CADM2: variants seen among roughly 807,000 people sequenced by gnomAD.
The protein encoded by CADM2 is cell adhesion molecule 2, also known as immunoglobulin superfamily member 4D.
Under a neutral mutation model 49.8 loss-of-function variants are expected in CADM2, and 12 were observed. The observed-to-expected ratio is 0.24, with a 90% confidence interval of 0.15 to 0.39. The LOEUF (loss-of-function observed/expected upper bound fraction) is 0.39. CADM2 is among the 10% of genes least tolerant of loss of function. The probability of loss-of-function intolerance (pLI) is 1.00; values close to 1 mark genes in which losing one functional copy is unlikely to be tolerated. For missense variants in CADM2, 378 were observed against 492.3 expected (o/e 0.77, Z 2.20); for synonymous variants, 214 against 175.4 (o/e 1.22, Z -1.74).
intron 1 of CADM2, among the ~76,000 whole-genome samples, chr3:85,448,194 G>T (rs749928953): frequency 6.6e-6 from 1 of 151,912 alleles, no homozygotes; most frequent in African/African-American, 2.4e-5. Context: ...TTAGCCAGGC[G>T]TGGTGGCGGG....
chr3:85,269,609 A>T (rs889049335), intron 1 of CADM2, among the ~76,000 whole-genome samples: 1 of 151,246 alleles, frequency 6.6e-6, no homozygotes, highest in African/African-American at 2.4e-5. Context: ...TTAGTTTAAC[A>T]TTTCCCTATC....
chr3:85,332,039 A>C (rs971977440), intron 1 of CADM2, among the ~76,000 whole-genome samples: 5 of 152,090 alleles, frequency 3.3e-5, no homozygotes, highest in African/African-American at 7.2e-5. Flanking sequence ...GACCCTACCC[A>C]AGCCATAGTA....
intron 1 of CADM2, chr3:84,960,008 C>A (rs754689447): frequency 2.4e-6 from 1 of 409,720 alleles, no homozygotes; most frequent in Non-Finnish European, 4.4e-6. Flanking sequence ...ATTCCACCCT[C>A]CCGACAACCC....
chr3:85,252,148 GT>G (rs2042790865), intron 1 of CADM2, among the ~76,000 whole-genome samples: 1 of 151,842 alleles, frequency 6.6e-6, no homozygotes, highest in Non-Finnish European at 1.5e-5. Flanking sequence ...TCATCTCTTT[GT>G]TTTTGTTCTT....
chr3:85,711,705 A>G (rs1271332504), intron 1 of CADM2, among the ~76,000 whole-genome samples: 1 of 152,198 alleles, frequency 6.6e-6, no homozygotes, highest in African/African-American at 2.4e-5. Context: ...TATGGCTATT[A>G]TAGATATTCA....
chr3:85,901,525 T>C (rs2108450117), intron 5 of CADM2, among the ~76,000 whole-genome samples: 1 of 152,300 alleles, frequency 6.6e-6, no homozygotes, highest in South Asian at 2.1e-4. Flanking sequence ...GAATAACCAA[T>C]CTTACCTTTC....
intron 3 of CADM2, among the ~76,000 whole-genome samples, chr3:85,812,169 T>C (rs1045625415): frequency 1.7e-4 from 26 of 152,118 alleles, no homozygotes; most frequent in African/African-American, 5.8e-4. Context: ...AGGGAAATTA[T>C]TAAGTCAAGC....
intron 1 of CADM2, among the ~76,000 whole-genome samples, chr3:85,136,484 T>G (rs1479784347): frequency 2.0e-5 from 3 of 151,956 alleles, no homozygotes; most frequent in Non-Finnish European, 4.4e-5. Context: ...TGTTTTACTT[T>G]GACATACAAA....
chr3:84,994,621 T>C (rs1575993529), intron 1 of CADM2, among the ~76,000 whole-genome samples: 1 of 152,216 alleles, frequency 6.6e-6, no homozygotes, highest in Admixed American at 6.5e-5. Context: ...TTTCCTGTTT[T>C]CTTACCTTAA....
intron 8 of CADM2, among the ~76,000 whole-genome samples, chr3:85,985,500 A>C (rs150006696): frequency 6.6e-6 from 1 of 151,938 alleles, no homozygotes; most frequent in African/African-American, 2.4e-5. Flanking sequence ...AGGTAACGTT[A>C]ACTAAAATAC....
At chr3:85,597,377 A>T (rs1332845757) in intron 1 of CADM2, among the ~76,000 whole-genome samples, 1 of 152,104 alleles carries the variant, frequency 6.6e-6, no homozygotes, top group East Asian at 1.9e-4. Flanking sequence ...AGATAGATTC[A>T]TATCTTAAAT....
intron 1 of CADM2, among the ~76,000 whole-genome samples, chr3:85,083,405 A>T (rs1414308279): frequency 6.6e-6 from 1 of 152,160 alleles, no homozygotes; most frequent in African/African-American, 2.4e-5. Flanking sequence ...AACAAAGTTT[A>T]CCTTTTCTTC....
intron 1 of CADM2, among the ~76,000 whole-genome samples, chr3:85,578,031 T>TTC (rs1169191871): frequency 1.9e-4 from 11 of 59,452 alleles, no homozygotes; most frequent in African/African-American, 6.0e-4. Flanking sequence ...TTCCTTCCTT[T>TTC]CTTCCCCCCC....
chr3:85,947,130 A>G lies in CADM2; in HGVS notation c.791+11273A>G, dbSNP rs370418507. ...AACAAACAACCCCATCAACAAGTGG[A>G]CGAAGGATATGAACAGACACTTCTC... On this transcript the variant is annotated intron_variant, in intron 7 of 9. Coordinates refer to ENST00000383699, the MANE Select transcript of CADM2 (RefSeq NM_001167675.2). Among the ~76,000 whole-genome samples the G allele has an allele frequency of 1.2e-4, 18 of 151,854 alleles. No homozygotes were observed. In the South Asian group the frequency reaches 3.5e-3, roughly 30 times the overall value.
intron 1 of CADM2, among the ~76,000 whole-genome samples, chr3:85,029,867 C>T (rs1264822330): frequency 6.6e-6 from 1 of 152,212 alleles, no homozygotes; most frequent in Non-Finnish European, 1.5e-5. Flanking sequence ...GGACATTTCT[C>T]ATGTTCCTTC....
At chr3:85,845,679 G>T (rs2074849872) in intron 3 of CADM2, among the ~76,000 whole-genome samples, 1 of 152,160 alleles carries the variant, frequency 6.6e-6, no homozygotes, top group Admixed American at 6.5e-5. Flanking sequence ...AAGTGGCACA[G>T]GATGTAGGCC....
intron 1 of CADM2, among the ~76,000 whole-genome samples, chr3:85,120,650 G>GC (rs2107590004): frequency 6.6e-6 from 1 of 152,134 alleles, no homozygotes; most frequent in Non-Finnish European, 1.5e-5. Context: ...ACATAGGGAG[G>GC]GGAACATCAC....
chr3:85,893,881 A>C (rs2108426830), intron 5 of CADM2, among the ~76,000 whole-genome samples: 1 of 152,242 alleles, frequency 6.6e-6, no homozygotes, highest in South Asian at 2.1e-4. Context: ...AAATAGGAAC[A>C]CTTTTACACT....
rs1028198069 is a variant in CADM2 at position 85,222,979 on chromosome 3, C to T, written c.61+263311C>T. On this transcript the variant is annotated intron_variant, in intron 1 of 9. Coordinates refer to ENST00000383699, the MANE Select transcript of CADM2 (RefSeq NM_001167675.2). ...TTATTTTCCTCTTTAGAACTACTAT[C>T]GAACTTAAAATATTTTCTCTTGAGC... 2.0e-4 allele frequency among the ~76,000 whole-genome samples: 31 copies of T among 152,208 alleles called. No individual in the cohort carries two copies. The Middle Eastern group carries it at 0.01, about 50-fold the overall frequency.
Sources: allele counts gnomAD v4.1 joint callset (sites outside exome capture counted in the v4.1 genomes callset), GRCh38; gene constraint gnomAD v4.1.1; transcripts MANE v1.5; gene names NCBI Gene and HGNC (gene_info 2026-07-23, HGNC 2026-07-21).